AFF1: variants seen among roughly 807,000 people sequenced by gnomAD.
The protein encoded by AFF1 is ALF transcription elongation factor 1.
AFF1 carries 48 observed loss-of-function variants against 121.7 expected under a neutral mutation model. The ratio of observed to expected loss-of-function variants is 0.39; its 90% CI spans 0.31 to 0.50. The LOEUF (loss-of-function observed/expected upper bound fraction) is 0.50, where lower values mean the gene tolerates loss of function less well. Ranked by LOEUF, AFF1 falls within the 20% of genes least tolerant of loss-of-function variation. The pLI, the probability that AFF1 is intolerant of heterozygous loss-of-function variation, is 0.76. For synonymous variants in AFF1, 613 were observed against 563.0 expected, an observed-to-expected ratio of 1.09 and a Z score of -1.26; for missense variants, 1,523 against 1,511.7, an observed-to-expected ratio of 1.01 and a Z score of -0.12.
intron 2 of AFF1, among the ~76,000 whole-genome samples, chr4:86,951,920 CTT>C (rs35412461): frequency 1.2e-3 from 165 of 137,916 alleles, no homozygotes; most frequent in Non-Finnish European, 1.4e-3. Context: ...GGCTGGGAAC[CTT>C]TTTTTTTTTT....
chr4:86,949,480 A>C (rs1209071920), intron 2 of AFF1, among the ~76,000 whole-genome samples: 1 of 148,878 alleles, frequency 6.7e-6, no homozygotes, highest in Non-Finnish European at 1.5e-5. Context: ...GCAATTGCAG[A>C]GTTGTTTTTA....
chr4:87,131,167 C>G lies in AFF1; in HGVS notation c.3049C>G (p.Gln1017Glu). 1 of 1,614,210 alleles carries G rather than the reference C, an allele frequency of 6.2e-7. No individual in the cohort carries two copies. Among genetic ancestry groups the G allele is most frequent in the Non-Finnish European group, 8.5e-7 (1 of 1,180,032 alleles). Residue 1017 changes from glutamine (Q) to glutamate (E), a missense_variant, in exon 17 of 21, where the codon CAG becomes GAG. Gln to Glu is a conservative substitution (Grantham distance 29, BLOSUM62 2). Around this residue, in one of 5 missense-constraint regions of AFF1, gnomAD observed 241 missense variants for 265.2 expected, o/e 0.91. Transcript: ENST00000395146. Reference protein sequence around the residue: ...ECGIATESESQSSKSAYSVYS... With the variant: ...ECGIATESESESSKSAYSVYS... ...CGGAATTGCCACAGAGTCTGAAAGC[C>G]AGTCATCCAAGTCAGCTTACTCTGT... is the stretch of plus-strand genomic sequence containing the variant.
intron 1 of AFF1, among the ~76,000 whole-genome samples, chr4:86,946,209 A>C (rs539685077): frequency 6.6e-6 from 1 of 152,078 alleles, no homozygotes; most frequent in South Asian, 2.1e-4. Flanking sequence ...GTGTTCTCTG[A>C]CCACCCTACG....
At chr4:86,982,755 G>C (rs1467874526) in intron 2 of AFF1, among the ~76,000 whole-genome samples, 1 of 150,118 alleles carries the variant, frequency 6.7e-6, no homozygotes, top group African/African-American at 2.5e-5. Context: ...GGCTGAGGCA[G>C]GAGAATCGCT....
intron 4 of AFF1, among the ~76,000 whole-genome samples, chr4:87,076,931 C>T (rs1297260389): frequency 2.0e-5 from 3 of 152,214 alleles, no homozygotes; most frequent in Non-Finnish European, 4.4e-5. Flanking sequence ...AATTTTATGA[C>T]AAACCTTGTT....
At chr4:86,980,001 C>T (rs1289672962) in intron 2 of AFF1, among the ~76,000 whole-genome samples, 1 of 152,160 alleles carries the variant, frequency 6.6e-6, no homozygotes, top group Non-Finnish European at 1.5e-5. Flanking sequence ...ACCTCTGCCT[C>T]CTGGGTTCAA....
At chr4:87,044,944 G>C (rs1730521664) in intron 2 of AFF1, among the ~76,000 whole-genome samples, 1 of 152,194 alleles carries the variant, frequency 6.6e-6, no homozygotes, top group African/African-American at 2.4e-5. Flanking sequence ...TTATTCTGCA[G>C]TAGTAAAGAG....
intron 2 of AFF1, among the ~76,000 whole-genome samples, chr4:86,967,036 A>G (rs1722585396): frequency 2.0e-5 from 3 of 152,154 alleles, no homozygotes; most frequent in Admixed American, 2.0e-4. Flanking sequence ...TTGTCATTCA[A>G]GTACTGTGCC....
intron 2 of AFF1, among the ~76,000 whole-genome samples, chr4:87,025,559 A>G (rs568541656): frequency 6.6e-6 from 1 of 152,340 alleles, no homozygotes; most frequent in Non-Finnish European, 1.5e-5. Context: ...CATTCTCTAC[A>G]GGGGTGGTTC....
chr4:87,127,338 A>G (rs1728381906), intron 15 of AFF1, among the ~76,000 whole-genome samples: 1 of 151,824 alleles, frequency 6.6e-6, no homozygotes, highest in Non-Finnish European at 1.5e-5. Flanking sequence ...CTTTTTTTGT[A>G]TTTTTAGTAG....
chr4:87,089,898 A>G lies in AFF1; in HGVS notation c.1105-86A>G. 4.9e-6 allele frequency: 5 copies of G among 1,015,350 alleles called. No homozygotes were observed. The South Asian group carries it at 5.4e-5, about 11-fold the overall frequency. The allele number at this position is 1,015,350 out of a possible 1,614,324, so 62.9% of individuals were successfully genotyped here. ...TGTACTTGCCATTTATGATCAATCC[A>G]TTCTACATTAAGTTCAAAATGTTAA... On this transcript the variant is annotated intron_variant, in intron 5 of 20. Transcript: ENST00000395146.
At chr4:86,951,628 T>TTTTTTTTTTTTTTTTTTTTTTTTTTC (rs1560497324) in intron 2 of AFF1, among the ~76,000 whole-genome samples, 1 of 64,378 alleles carries the variant, frequency 1.6e-5, no homozygotes, top group African/African-American at 3.5e-5. Flanking sequence ...TTTTTCTTTT[T>TTTTTTTTTTTTTTTTTTTTTTTTTTC]TTTTTTTTTT....
At chr4:87,074,108 A>ATCC (rs746712051) in intron 4 of AFF1, among the ~76,000 whole-genome samples, 15 of 152,076 alleles carry the variant, frequency 9.9e-5, no homozygotes, top group South Asian at 2.1e-4. Flanking sequence ...AAAAGCTACT[A>ATCC]CTCATGCTTT....
intron 2 of AFF1, among the ~76,000 whole-genome samples, chr4:86,997,039 G>A (rs1225947910): frequency 6.6e-6 from 1 of 152,194 alleles, no homozygotes; most frequent in Non-Finnish European, 1.5e-5. Context: ...AGCCTCTCAA[G>A]TAGCTGGGAT....
intron 4 of AFF1, among the ~76,000 whole-genome samples, chr4:87,059,951 G>C (rs1330953083): frequency 6.6e-6 from 1 of 152,214 alleles, no homozygotes; most frequent in Non-Finnish European, 1.5e-5. Flanking sequence ...GCTGTGCTCA[G>C]CTTGAGGATT....
intron 4 of AFF1, among the ~76,000 whole-genome samples, chr4:87,060,599 G>A (rs1055451497): frequency 3.3e-5 from 5 of 152,040 alleles, no homozygotes; most frequent in Admixed American, 2.0e-4. Context: ...AGCATTTTGG[G>A]AGGCTGAGGC....
chr4:87,002,767 TAGC>T (rs1291524390), intron 2 of AFF1, among the ~76,000 whole-genome samples: 3 of 152,158 alleles, frequency 2.0e-5, no homozygotes, highest in African/African-American at 7.2e-5. Context: ...TTGGGTCTGT[TAGC>T]AGGAGCCGGG....
At chr4:86,979,047 A>G (rs903451481) in intron 2 of AFF1, among the ~76,000 whole-genome samples, 2 of 152,272 alleles carry the variant, frequency 1.3e-5, no homozygotes, top group East Asian at 3.9e-4. Context: ...TCTCAACTCC[A>G]GTGGTCTTCA....
At chr4:86,936,151 T>G (rs1719973272) in intron 1 of AFF1, 1 of 152,162 alleles carries the variant, frequency 6.6e-6, no homozygotes, top group African/African-American at 2.4e-5. Flanking sequence ...TGGAGATGTG[T>G]CCGAATCTCC....
Sources: gnomAD v4.1 joint callset for allele counts (sites outside exome capture counted in the v4.1 genomes callset) on GRCh38, gnomAD v4.1.1 for gene constraint, gnomAD v4.1.1 regional missense constraint, MANE v1.5 for transcripts, NCBI Gene and HGNC (gene_info 2026-07-23, HGNC 2026-07-21) for gene names.